Variants in ARK2N observed in about 807,000 individuals in gnomAD.
ARK2N encodes protein ARK2N.
At chr18:46,261,783 TAGTA>T in the ARK2N span, among the ~76,000 whole-genome samples, 1 of 152,144 alleles carries the variant, frequency 6.6e-6, no homozygotes, top group South Asian at 2.1e-4. Flanking sequence ...GAATTTTTCT[TAGTA>T]AGGGAGAAGT....
At chr18:46,183,264 T>G in the ARK2N span, among the ~76,000 whole-genome samples, 1 of 152,208 alleles carries the variant, frequency 6.6e-6, no homozygotes, top group East Asian at 1.9e-4. Context: ...TTTCCCAGTG[T>G]GGATTTAGCA....
the ARK2N span, among the ~76,000 whole-genome samples, chr18:46,181,583 G>A: frequency 1.3e-5 from 2 of 151,984 alleles, no homozygotes; most frequent in Non-Finnish European, 2.9e-5. Context: ...ACGTGGTGGC[G>A]GGCACCTGTA....
At chr18:46,228,461 AGTATT>A in the ARK2N span, among the ~76,000 whole-genome samples, 2 of 152,326 alleles carry the variant, frequency 1.3e-5, no homozygotes, top group East Asian at 3.9e-4. Flanking sequence ...ACTTATTGCT[AGTATT>A]GTATTGACTG....
At chr18:46,261,781 C>G in the ARK2N span, among the ~76,000 whole-genome samples, 2 of 152,130 alleles carry the variant, frequency 1.3e-5, no homozygotes, top group Non-Finnish European at 2.9e-5. Context: ...AGGAATTTTT[C>G]TTAGTAAGGG....
At chr18:46,177,741 C>G in the ARK2N span, among the ~76,000 whole-genome samples, 843 of 151,902 alleles carry the variant, frequency 5.5e-3, 4 homozygotes, top group Non-Finnish European at 8.1e-3. Context: ...GAGCCCATTT[C>G]TATAAAAAAT....
At chr18:46,187,546 T>C in the ARK2N span, among the ~76,000 whole-genome samples, 1 of 152,062 alleles carries the variant, frequency 6.6e-6, no homozygotes. Context: ...TTCACCATGC[T>C]GGTCAGGCTG....
the ARK2N span, among the ~76,000 whole-genome samples, chr18:46,252,124 C>T: frequency 1.1e-4 from 16 of 150,946 alleles, no homozygotes; most frequent in African/African-American, 3.4e-4. Flanking sequence ...ACCTGGGAGG[C>T]GGAGGCTGCA....
At chr18:46,175,590 A>C in the ARK2N span, among the ~76,000 whole-genome samples, 31 of 151,936 alleles carry the variant, frequency 2.0e-4, no homozygotes, top group African/African-American at 6.5e-4. Flanking sequence ...AAAAAAAAAA[A>C]ACACATGGTT....
the ARK2N span, among the ~76,000 whole-genome samples, chr18:46,240,625 G>T: frequency 6.6e-6 from 1 of 152,132 alleles, no homozygotes; most frequent in Non-Finnish European, 1.5e-5. Flanking sequence ...GCTGTTTCTT[G>T]TGCTTCTTGC....
chr18:46,246,235 G>A, the ARK2N span, among the ~76,000 whole-genome samples: 1 of 152,122 alleles, frequency 6.6e-6, no homozygotes, highest in Non-Finnish European at 1.5e-5. Flanking sequence ...GTCCTCCATG[G>A]GGGGTGAGGC....
At chr18:46,220,267 T>C in the ARK2N span, among the ~76,000 whole-genome samples, 79 of 152,304 alleles carry the variant, frequency 5.2e-4, 1 homozygote, top group Admixed American at 3.8e-3. Context: ...TTAAGTTTAC[T>C]TGAATTCTCA....
the ARK2N span, among the ~76,000 whole-genome samples, chr18:46,260,293 C>T: frequency 6.6e-6 from 1 of 152,252 alleles, no homozygotes; most frequent in East Asian, 1.9e-4. Flanking sequence ...TGGTGGCTTC[C>T]ACCTCACAGT....
chr18:46,235,515 C>A, the ARK2N span, among the ~76,000 whole-genome samples: 1 of 152,208 alleles, frequency 6.6e-6, no homozygotes, highest in Admixed American at 6.5e-5. Context: ...TTGTTAACGT[C>A]TTCTTTAACC....
chr18:46,209,055 G>T, the ARK2N span, among the ~76,000 whole-genome samples: 1 of 152,136 alleles, frequency 6.6e-6, no homozygotes, highest in South Asian at 2.1e-4. Context: ...CTCTTTTTAT[G>T]TGACATTCTT....
chr18:46,193,000 C>T, the ARK2N span, among the ~76,000 whole-genome samples: 1 of 151,624 alleles, frequency 6.6e-6, no homozygotes. Flanking sequence ...AGTTTGAGAC[C>T]AGTCTGGCCA....
At chr18:46,258,913 C>T in the ARK2N span, among the ~76,000 whole-genome samples, 1 of 152,058 alleles carries the variant, frequency 6.6e-6, no homozygotes, top group Middle Eastern at 3.4e-3. Flanking sequence ...ATTTTTTTCC[C>T]TATCTGGTAT....
At chr18:46,222,655 C>T in the ARK2N span, among the ~76,000 whole-genome samples, 3 of 152,152 alleles carry the variant, frequency 2.0e-5, no homozygotes, top group Non-Finnish European at 4.4e-5. Flanking sequence ...AATAAAAGAG[C>T]ATGTGTGTGT....
chr18:46,197,976 C>A, the ARK2N span, among the ~76,000 whole-genome samples: 6 of 152,006 alleles, frequency 3.9e-5, no homozygotes, highest in Non-Finnish European at 7.4e-5. Flanking sequence ...TGTTACTTAA[C>A]CTGCCCAGTT....
chr18:46,183,176 G>A, the ARK2N span, among the ~76,000 whole-genome samples: 3 of 152,038 alleles, frequency 2.0e-5, no homozygotes, highest in Middle Eastern at 3.2e-3. Context: ...AGCCAAATAA[G>A]GTCTCTGCAT....
Sources: gnomAD v4.1 joint callset for allele counts (sites outside exome capture counted in the v4.1 genomes callset) on GRCh38, gnomAD v4.1.1 for gene constraint, MANE v1.5 for transcripts, NCBI Gene and HGNC (gene_info 2026-07-23, HGNC 2026-07-21) for gene names.